The following GALNT1 variants were observed in gnomAD, a reference collection of about 807,000 sequenced individuals.
GALNT1 encodes the protein GalNAc transferase 1.
In GALNT1, 17 loss-of-function variants were observed where a neutral mutation model predicts 65.7. The ratio of observed to expected loss-of-function variants is 0.26; its 90% CI spans 0.18 to 0.39. The LOEUF is 0.39. GALNT1 is among the 10% of genes least tolerant of loss of function. The probability of loss-of-function intolerance (pLI) is 1.00; values close to 1 mark genes in which losing one functional copy is unlikely to be tolerated. For synonymous variants in GALNT1, 210 were observed against 219.7 expected (o/e 0.96, Z 0.39); for missense variants, 460 against 672.8 (o/e 0.68, Z 3.50).
chr18:35,584,343 G>C (rs1598777267), intron 1 of GALNT1, among the ~76,000 whole-genome samples: 1 of 152,178 alleles, frequency 6.6e-6, no homozygotes, highest in East Asian at 1.9e-4. Flanking sequence ...AATTGGTTGA[G>C]ATGCAGAAGA....
intron 2 of GALNT1, among the ~76,000 whole-genome samples, chr18:35,655,664 A>G (rs1315813032): frequency 6.6e-6 from 1 of 152,014 alleles, no homozygotes; most frequent in Non-Finnish European, 1.5e-5. Context: ...CTCTTTAAAC[A>G]TGTTTTCTTT....
At position 35,709,746 on chromosome 18, in the gene GALNT1, C is replaced by T. The variant is rs768559745; in HGVS notation, c.1656C>T (p.Asn552=). The T allele has an allele frequency of 4.6e-5, 75 of 1,613,864 alleles. No homozygotes were observed. The highest frequency in any genetic ancestry group is 6.6e-5 in the South Asian group (6 of 91,070). Residue 552 remains asparagine (N), a synonymous_variant, in exon 12 of 12, where the codon AAC becomes AAT. Transcript: ENST00000269195. ...GSRSQQWLLR[N]VTLPEIF ...GGTCCCAGCAGTGGCTTCTTCGAAA[C>T]GTCACCCTGCCAGAAATATTCTGAG...
intron 1 of GALNT1, among the ~76,000 whole-genome samples, chr18:35,616,261 C>G (rs1205947545): frequency 6.6e-6 from 1 of 152,086 alleles, no homozygotes; most frequent in Non-Finnish European, 1.5e-5. Context: ...ATTTTGAATT[C>G]TGGCCTTGAC....
chr18:35,587,908 G>A (rs900517866), intron 1 of GALNT1, among the ~76,000 whole-genome samples: 1 of 152,102 alleles, frequency 6.6e-6, no homozygotes, highest in East Asian at 1.9e-4. Context: ...TTTGAGCCAT[G>A]GTATGTTGAA....
intron 2 of GALNT1, among the ~76,000 whole-genome samples, chr18:35,659,473 G>A (rs1453022869): frequency 3.3e-5 from 5 of 152,208 alleles, no homozygotes; most frequent in Admixed American, 2.6e-4. Context: ...TGCTGCTAGA[G>A]TTAGATTGGG....
intron 1 of GALNT1, among the ~76,000 whole-genome samples, chr18:35,627,728 C>T (rs560822266): frequency 6.6e-6 from 1 of 151,468 alleles, no homozygotes; most frequent in South Asian, 2.1e-4. Flanking sequence ...ACAGTGGGTG[C>T]AGGACAGTGG....
intron 1 of GALNT1, among the ~76,000 whole-genome samples, chr18:35,636,776 C>A (rs950142464): frequency 6.9e-5 from 9 of 129,698 alleles, no homozygotes; most frequent in African/African-American, 2.1e-4. Flanking sequence ...TTCACAGATA[C>A]TACTTTGTTT....
At chr18:35,656,318 G>C (rs899205667) in intron 2 of GALNT1, among the ~76,000 whole-genome samples, 4 of 152,132 alleles carry the variant, frequency 2.6e-5, no homozygotes, top group African/African-American at 9.7e-5. Flanking sequence ...AGGTGCTGTT[G>C]ATACACAGCT....
chr18:35,610,625 C>A (rs559105765), intron 1 of GALNT1, among the ~76,000 whole-genome samples: 19 of 152,042 alleles, frequency 1.2e-4, no homozygotes, highest in Non-Finnish European at 2.2e-4. Flanking sequence ...TTCTCTAAAC[C>A]CTTTTACACT....
chr18:35,710,138 T>A lies in GALNT1; in HGVS notation c.*368T>A. The stretch of plus-strand genomic sequence containing the variant: ...GCACATCAGTAGTTTCTGCTGAACG[T>A]GCTGTCATAATGAAGAGATTTCCAA... On this transcript the variant is annotated 3_prime_UTR_variant, in exon 12 of 12. Transcript: ENST00000269195. 1 of 167,774 alleles carries A rather than the reference T, an allele frequency of 6.0e-6. No homozygotes were observed. Among genetic ancestry groups the A allele is most frequent in the East Asian group, 1.6e-4 (1 of 6,330 alleles). The allele number at this position is 167,774 out of a possible 1,614,324, so 10.4% of individuals were successfully genotyped here. A position where few individuals can be genotyped will look rare whatever the true frequency, so the allele number is the denominator to read the frequency against.
intron 9 of GALNT1, among the ~76,000 whole-genome samples, chr18:35,694,239 T>A (rs2048016965): frequency 1.3e-5 from 2 of 152,182 alleles, no homozygotes. Context: ...AGGAATTTTC[T>A]TGTAAAAGAG....
intron 1 of GALNT1, among the ~76,000 whole-genome samples, chr18:35,582,956 A>C (rs887220863): frequency 3.9e-5 from 6 of 152,250 alleles, no homozygotes; most frequent in Admixed American, 3.9e-4. Flanking sequence ...CCACATTTCA[A>C]GTGTTCCATA....
intron 3 of GALNT1, among the ~76,000 whole-genome samples, chr18:35,676,776 C>T (rs1240204011): frequency 6.6e-6 from 1 of 152,140 alleles, no homozygotes; most frequent in African/African-American, 2.4e-5. Flanking sequence ...AGGTTACCTG[C>T]CGCTGTTACT....
At chr18:35,622,813 C>CT (rs917621820) in intron 1 of GALNT1, among the ~76,000 whole-genome samples, 32 of 152,040 alleles carry the variant, frequency 2.1e-4, no homozygotes, top group African/African-American at 7.2e-4. Flanking sequence ...TTTTTCCCAA[C>CT]TTTAACAGTA....
At chr18:35,610,715 A>G (rs2046706203) in intron 1 of GALNT1, among the ~76,000 whole-genome samples, 1 of 152,224 alleles carries the variant, frequency 6.6e-6, no homozygotes, top group South Asian at 2.1e-4. Flanking sequence ...AAGATAACCT[A>G]GACATTTAAA....
chr18:35,700,594 G>A (rs1019651760), intron 9 of GALNT1, among the ~76,000 whole-genome samples: 8 of 152,234 alleles, frequency 5.3e-5, no homozygotes, highest in South Asian at 2.1e-4. Context: ...CCCAGATCTC[G>A]CATGTCAGGA....
At position 35,625,663 on chromosome 18, in the gene GALNT1, G is replaced by A. The variant is rs140628789; in HGVS notation, c.-103-28897G>A. 3.3e-5 allele frequency among the ~76,000 whole-genome samples: 5 copies of A among 152,260 alleles called. No homozygotes were observed. In the East Asian group the frequency reaches 9.7e-4, roughly 29 times the overall value. On this transcript the variant is annotated intron_variant, in intron 1 of 11. Transcript: ENST00000269195. ...AACATGTAGAAAATCTTAGAGATTT[G>A]GGGGATTCCATGACCAGAAAATAAC...
intron 2 of GALNT1, among the ~76,000 whole-genome samples, chr18:35,658,824 C>A (rs1032389894): frequency 6.6e-6 from 1 of 151,862 alleles, no homozygotes; most frequent in African/African-American, 2.4e-5. Flanking sequence ...ATTCTCCTGT[C>A]CCAGCCTCCC....
rs2047952448 is a variant in GALNT1, at chr18:35,690,997, C to G, written c.979-15C>G. 1 of 1,576,380 alleles carries G rather than the reference C, an allele frequency of 6.3e-7. No homozygotes were observed. The highest frequency in any genetic ancestry group is 1.4e-5 in the African/African-American group (1 of 73,314). The stretch of plus-strand genomic sequence containing the variant: ...ACTCAGCTACATGTTACATGGTCAT[C>G]TCTGCTGTTTTCAGATTTGGCAGTG... On this transcript the variant is annotated splice_polypyrimidine_tract_variant and intron_variant, in intron 7 of 11. Coordinates refer to ENST00000269195, the MANE Select transcript of GALNT1 (RefSeq NM_020474.4).
Sources: allele counts gnomAD v4.1 joint callset (sites outside exome capture counted in the v4.1 genomes callset), GRCh38; gene constraint gnomAD v4.1.1; transcripts MANE v1.5; gene names NCBI Gene and HGNC (gene_info 2026-07-23, HGNC 2026-07-21).